The following PPFIBP2 variants were observed in gnomAD, a reference collection of about 807,000 sequenced individuals.
The protein encoded by PPFIBP2 is PPFIB scaffold protein 2.
Under a neutral mutation model 118.3 loss-of-function variants are expected in PPFIBP2, and 118 were observed. The ratio of observed to expected loss-of-function variants is 1.00; its 90% CI spans 0.86 to 1.16. The LOEUF (loss-of-function observed/expected upper bound fraction) is 1.16, where lower values mean the gene tolerates loss of function less well. Among genes scored for constraint, PPFIBP2 ranks in the 50% most tolerant of loss-of-function variants. The pLI is 0.00. For missense variants in PPFIBP2, 1,195 were observed against 1,073.1 expected (o/e 1.11, Z -1.59); for synonymous variants, 414 against 397.4 (o/e 1.04, Z -0.50).
At chr11:7,597,082 G>A in intron 4 of PPFIBP2, 1 of 1,160,494 alleles carries the variant, frequency 8.6e-7, no homozygotes, top group Admixed American at 3.1e-5. Context: ...TTCCTTAATT[G>A]CATCAAAACA....
At chr11:7,559,885 C>G (rs114959765) in intron 2 of PPFIBP2, among the ~76,000 whole-genome samples, 3,048 of 152,116 alleles carry the variant, frequency 0.02, 125 homozygotes, top group African/African-American at 0.07. Context: ...TTCTGGTACC[C>G]AAGGTTTTTA....
chr11:7,651,089 A>G (rs145627437), intron 22 of PPFIBP2, 124 bp downstream of exon 22: 4 of 1,017,054 alleles, frequency 3.9e-6, no homozygotes, highest in Non-Finnish European at 4.3e-6. Flanking sequence ...GAGGTCTTGC[A>G]TAATTTGATG....
Position 7,631,030 on chromosome 11 carries a change from T to G in PPFIBP2, c.1068+2T>G, listed in dbSNP as rs1433286034. On this transcript the variant is annotated splice_donor_variant, in intron 11 of 23. Transcript: ENST00000299492. LOFTEE classifies it high-confidence loss of function. ...CCTGAAGAATTATTTAAACAAGAGGTACTGTGTTTCCATCCATGACGTAGG... is the reference window on the plus strand; with the variant it reads ...CCTGAAGAATTATTTAAACAAGAGGGACTGTGTTTCCATCCATGACGTAGG... The G allele has an allele frequency of 6.2e-7, 1 of 1,609,440 alleles. No homozygotes were observed. The highest frequency in any genetic ancestry group is 1.7e-5 in the Admixed American group (1 of 59,996).
the PPFIBP2 span, chr11:7,665,272 G>A: frequency 9.4e-7 from 1 of 1,061,460 alleles, no homozygotes; most frequent in East Asian, 2.7e-5. Flanking sequence ...GAAGGTACAT[G>A]GCAAGGCACT....
chr11:7,529,805 G>A (rs1051523889), intron 1 of PPFIBP2, among the ~76,000 whole-genome samples: 7 of 152,236 alleles, frequency 4.6e-5, no homozygotes, highest in Non-Finnish European at 5.9e-5. Flanking sequence ...TGTGACCCTC[G>A]TGGAATGGCT....
At chr11:7,644,705 G>A (rs557518860) in intron 17 of PPFIBP2, among the ~76,000 whole-genome samples, 2 of 152,224 alleles carry the variant, frequency 1.3e-5, no homozygotes, top group Non-Finnish European at 2.9e-5. Context: ...GTGTTAACAG[G>A]GCCAGGTGTT....
At chr11:7,597,780 C>CCCCAGGCAGGA in intron 5 of PPFIBP2, 107 bp downstream of exon 5, 11 of 947,028 alleles carry the variant, frequency 1.2e-5, no homozygotes, top group Non-Finnish European at 1.8e-5. Context: ...CCCATCCTGC[C>CCCCAGGCAGGA]TGGGGGCGGG....
intron 1 of PPFIBP2, among the ~76,000 whole-genome samples, chr11:7,530,257 T>G (rs1008050379): frequency 6.6e-6 from 1 of 151,908 alleles, no homozygotes; most frequent in African/African-American, 2.4e-5. Context: ...ATTATATCCA[T>G]TACATAGTAA....
chr11:7,522,963 G>A (rs1276993795), intron 1 of PPFIBP2, among the ~76,000 whole-genome samples: 1 of 152,144 alleles, frequency 6.6e-6, no homozygotes, highest in Non-Finnish European at 1.5e-5. Flanking sequence ...GGCACATCCA[G>A]CCAGTTCATG....
At chr11:7,597,485 C>T (rs1185375006) in intron 4 of PPFIBP2, 75 bp from the exon 5 acceptor site, 8 of 1,536,468 alleles carry the variant, frequency 5.2e-6, no homozygotes, top group Non-Finnish European at 7.1e-6. Flanking sequence ...TTTAACGGCT[C>T]CCCTGAGGTG....
intron 2 of PPFIBP2, among the ~76,000 whole-genome samples, chr11:7,562,929 T>TTATATATATATATATATATA (rs60848890): frequency 1.2e-5 from 1 of 86,536 alleles, no homozygotes; most frequent in Non-Finnish European, 2.5e-5. Context: ...AATTAAAGTT[T>TTATATATATATATATATATA]TATATATATA....
chr11:7,543,268 G>A (rs755045629), intron 1 of PPFIBP2, among the ~76,000 whole-genome samples: 1 of 152,264 alleles, frequency 6.6e-6, no homozygotes, highest in Non-Finnish European at 1.5e-5. Flanking sequence ...CCATTTAAGA[G>A]CAGCTATGGC....
intron 4 of PPFIBP2, chr11:7,597,256 A>G (rs1474172553): frequency 2.6e-6 from 4 of 1,534,770 alleles, no homozygotes; most frequent in Non-Finnish European, 3.5e-6. Context: ...AGGAATAAGG[A>G]GCAGGAGTCC....
chr11:7,549,609 CT>C (rs386373033), intron 2 of PPFIBP2, 70 bp downstream of exon 2: 124,628 of 1,105,562 alleles, frequency 0.11, 8 homozygotes, highest in East Asian at 0.17. Flanking sequence ...TCTCCTTTTA[CT>C]TTTTTTTTTT....
At chr11:7,598,359 G>C (rs1860787241) in intron 5 of PPFIBP2, 1 of 180,152 alleles carries the variant, frequency 5.6e-6, no homozygotes, top group South Asian at 9.9e-5. Flanking sequence ...CTTAGTAAAA[G>C]TATCAGAATT....
At chr11:7,538,235 A>T (rs1851411409) in intron 1 of PPFIBP2, 1 of 152,018 alleles carries the variant, frequency 6.6e-6, no homozygotes, top group Admixed American at 6.6e-5. Context: ...TCTCATTCTC[A>T]TGTCTTTGGG....
chr11:7,640,974 C>T, intron 15 of PPFIBP2: 2 of 1,196,764 alleles, frequency 1.7e-6, no homozygotes, highest in Non-Finnish European at 2.2e-6. Context: ...CTCTGTTGGG[C>T]TGGACTTTGG....
intron 2 of PPFIBP2, among the ~76,000 whole-genome samples, chr11:7,564,305 G>A (rs1018952914): frequency 3.3e-5 from 5 of 152,142 alleles, no homozygotes; most frequent in Admixed American, 6.5e-5. Flanking sequence ...CGGGCATTTT[G>A]TCAGATTCCT....
downstream of PPFIBP2, chr11:7,655,492 C>T (rs747732808): frequency 1.2e-5 from 16 of 1,289,706 alleles, no homozygotes; most frequent in South Asian, 1.6e-4. Context: ...ACATTCACCG[C>T]CTTACGGTAG....
Sources: gnomAD v4.1 joint callset for allele counts (sites outside exome capture counted in the v4.1 genomes callset) on GRCh38, gnomAD v4.1.1 for gene constraint, MANE v1.5 for transcripts, NCBI Gene and HGNC (gene_info 2026-07-23, HGNC 2026-07-21) for gene names.